The following TOX variants were observed in gnomAD, a reference collection of about 807,000 sequenced individuals.
TOX encodes thymocyte selection-associated high mobility group box protein TOX.
TOX carries 11 observed loss-of-function variants against 53.7 expected under a neutral mutation model. The ratio of observed to expected loss-of-function variants is 0.20; its 90% CI spans 0.13 to 0.34. The LOEUF (loss-of-function observed/expected upper bound fraction) is 0.34. Ranked by LOEUF, TOX falls within the 10% of genes least tolerant of loss-of-function variation. TOX has a pLI of 1.00. For missense variants in TOX, 570 were observed against 664.6 expected (o/e 0.86, Z 1.56); for synonymous variants, 225 against 245.3 (o/e 0.92, Z 0.77).
intron 1 of TOX, among the ~76,000 whole-genome samples, chr8:59,106,564 T>A (rs1804907081): frequency 6.6e-6 from 1 of 152,150 alleles, no homozygotes; most frequent in Non-Finnish European, 1.5e-5. Context: ...TACACCTTTC[T>A]CTTTTTGGAA....
chr8:58,884,271 A>G (rs1185126751), intron 3 of TOX, among the ~76,000 whole-genome samples: 2 of 152,158 alleles, frequency 1.3e-5, no homozygotes, highest in Non-Finnish European at 2.9e-5. Flanking sequence ...GAAGCACAGC[A>G]TATACTTTTA....
chr8:58,861,385 GAATC>G (rs1339932610), intron 3 of TOX, among the ~76,000 whole-genome samples: 2 of 152,132 alleles, frequency 1.3e-5, no homozygotes, highest in Non-Finnish European at 2.9e-5. Flanking sequence ...CCTATGATTA[GAATC>G]AACGAAGCCT....
chr8:58,994,422 G>GCA (rs1460464184), intron 1 of TOX, among the ~76,000 whole-genome samples: 40 of 141,674 alleles, frequency 2.8e-4, no homozygotes, highest in Non-Finnish European at 4.6e-4. Context: ...GTGTGTGTGC[G>GCA]CGCGCGCATG....
At chr8:58,849,327 A>G (rs1416521178) in intron 4 of TOX, among the ~76,000 whole-genome samples, 1 of 152,170 alleles carries the variant, frequency 6.6e-6, no homozygotes, top group African/African-American at 2.4e-5. Context: ...ATCAATCCCT[A>G]AACTTTCCTG....
chr8:58,936,794 T>G (rs969932950), intron 3 of TOX, among the ~76,000 whole-genome samples: 2 of 152,184 alleles, frequency 1.3e-5, no homozygotes, highest in Non-Finnish European at 2.9e-5. Context: ...CTGGAAAAAT[T>G]GGGCTTAATA....
At chr8:58,962,945 C>A (rs902099714) in intron 1 of TOX, among the ~76,000 whole-genome samples, 3 of 152,088 alleles carry the variant, frequency 2.0e-5, no homozygotes, top group Non-Finnish European at 4.4e-5. Flanking sequence ...TGTTTCTGAG[C>A]GAGAATAACA....
intron 1 of TOX, among the ~76,000 whole-genome samples, chr8:59,006,600 T>C (rs1813795757): frequency 6.6e-6 from 1 of 152,220 alleles, no homozygotes; most frequent in South Asian, 2.1e-4. Flanking sequence ...CTAATCTTTA[T>C]GTTTCTCACA....
chr8:59,076,943 T>C (rs532451424), intron 1 of TOX, among the ~76,000 whole-genome samples: 1 of 152,340 alleles, frequency 6.6e-6, no homozygotes, highest in East Asian at 1.9e-4. Flanking sequence ...TATAGCACTT[T>C]ACAAAGCAAT....
intron 1 of TOX, among the ~76,000 whole-genome samples, chr8:59,101,329 G>A (rs1804804703): frequency 6.6e-6 from 1 of 152,016 alleles, no homozygotes; most frequent in Admixed American, 6.6e-5. Context: ...TAACCATTCG[G>A]AAAATATTTA....
intron 1 of TOX, among the ~76,000 whole-genome samples, chr8:59,012,041 C>T (rs1205185985): frequency 6.6e-6 from 1 of 152,026 alleles, no homozygotes; most frequent in African/African-American, 2.4e-5. Flanking sequence ...CAGGCAAGAC[C>T]ACCCTGGAGG....
chr8:58,888,998 G>A (rs1366049295), intron 3 of TOX, among the ~76,000 whole-genome samples: 1 of 151,816 alleles, frequency 6.6e-6, no homozygotes, highest in African/African-American at 2.4e-5. Context: ...ATCAGATTGG[G>A]CAAAATCCAA....
intron 1 of TOX, among the ~76,000 whole-genome samples, chr8:59,006,033 A>G (rs1306508993): frequency 3.3e-5 from 5 of 152,162 alleles, no homozygotes; most frequent in Non-Finnish European, 7.3e-5. Context: ...CATGTACAGC[A>G]CTCCCTGCCA....
At chr8:58,890,995 C>T (rs1385642855) in intron 3 of TOX, among the ~76,000 whole-genome samples, 1 of 152,090 alleles carries the variant, frequency 6.6e-6, no homozygotes, top group Non-Finnish European at 1.5e-5. Flanking sequence ...ATTACTTAAG[C>T]ACACTGATCT....
At chr8:59,039,026 TTTC>T (rs1476051641) in intron 1 of TOX, among the ~76,000 whole-genome samples, 3 of 152,192 alleles carry the variant, frequency 2.0e-5, no homozygotes, top group Non-Finnish European at 4.4e-5. Flanking sequence ...AGGATTTTGT[TTTC>T]TTCATCTACC....
At position 59,044,060 on chromosome 8, in the gene TOX, C is replaced by T. The variant is rs184768160; in HGVS notation, c.102+74826G>A. On this transcript the variant is annotated intron_variant, in intron 1 of 8. Transcript: ENST00000361421. ...CCAAATTCTCTGTATATAGCTATTT[C>T]TCTGAGCCAGCTCTGGTGTAACACT... Among the ~76,000 whole-genome samples, 10 of 152,216 alleles carry T rather than the reference C, an allele frequency of 6.6e-5. No individual in the cohort carries two copies. In the East Asian group the frequency reaches 1.9e-3, roughly 29 times the overall value.
At chr8:58,844,721 C>A (rs1810695314) in intron 4 of TOX, among the ~76,000 whole-genome samples, 1 of 152,036 alleles carries the variant, frequency 6.6e-6, no homozygotes, top group African/African-American at 2.4e-5. Context: ...TGAGCTGAGG[C>A]CCTAAATGTC....
At chr8:59,046,089 A>C (rs762718256) in intron 1 of TOX, among the ~76,000 whole-genome samples, 1 of 152,186 alleles carries the variant, frequency 6.6e-6, no homozygotes, top group East Asian at 1.9e-4. Context: ...TTAGGAAACT[A>C]TAACAGTTAC....
At chr8:58,857,070 T>C (rs890959977) in intron 3 of TOX, among the ~76,000 whole-genome samples, 2 of 152,198 alleles carry the variant, frequency 1.3e-5, no homozygotes, top group African/African-American at 4.8e-5. Context: ...ATAGCCCTAG[T>C]ATCTAGAACA....
At chr8:59,108,748 A>G (rs1475281432) in intron 1 of TOX, among the ~76,000 whole-genome samples, 2 of 152,096 alleles carry the variant, frequency 1.3e-5, no homozygotes, top group Admixed American at 6.6e-5. Flanking sequence ...AAGATGAGAA[A>G]ATGAGATCTT....
Sources: allele counts gnomAD v4.1 joint callset (sites outside exome capture counted in the v4.1 genomes callset), GRCh38; gene constraint gnomAD v4.1.1; transcripts MANE v1.5; gene names NCBI Gene and HGNC (gene_info 2026-07-23, HGNC 2026-07-21).